Variants in ANGPT1 observed in about 807,000 individuals in gnomAD.
ANGPT1 encodes angiopoietin-1.
A neutral mutation model predicts 62.2 loss-of-function variants in ANGPT1; 17 were observed. The observed-to-expected ratio is 0.27, with a 90% confidence interval of 0.19 to 0.41. The LOEUF is 0.41. ANGPT1 is among the 10% of genes least tolerant of loss of function. The pLI, the probability that ANGPT1 is intolerant of heterozygous loss-of-function variation, is 1.00. For synonymous variants in ANGPT1, 199 were observed against 198.9 expected, an observed-to-expected ratio of 1.00 and a Z score of 0.00; for missense variants, 478 against 594.9, an observed-to-expected ratio of 0.80 and a Z score of 2.04.
In ANGPT1 at chr8:107,255,078, C is replaced by A. The variant is rs144943963; in HGVS notation, c.1337-3063G>T. 6.4e-3 allele frequency among the ~76,000 whole-genome samples: 970 copies of A among 152,050 alleles called. 11 individuals carry two copies. Among genetic ancestry groups the A allele is most frequent in the African/African-American group, 0.022 (918 of 41,480 alleles). On this transcript the variant is annotated intron_variant, in intron 8 of 8. Coordinates refer to ENST00000517746, the MANE Select transcript of ANGPT1 (RefSeq NM_001146.5). Reference sequence around the variant, plus strand: ...ACAGAAATTTTTGGAAACAAAATTTCTGACTTTAAAGCATGCACAGTTTTG... The same window carrying A: ...ACAGAAATTTTTGGAAACAAAATTTATGACTTTAAAGCATGCACAGTTTTG...
intron 7 of ANGPT1, among the ~76,000 whole-genome samples, chr8:107,279,539 C>T (rs1465845246): frequency 1.3e-5 from 2 of 152,138 alleles, no homozygotes; most frequent in East Asian, 3.9e-4. Context: ...GACTCCTACT[C>T]ATCGTTATCA....
intron 1 of ANGPT1, among the ~76,000 whole-genome samples, chr8:107,427,217 A>G (rs1305866905): frequency 6.6e-6 from 1 of 152,102 alleles, no homozygotes; most frequent in Non-Finnish European, 1.5e-5. Flanking sequence ...AGCTAAAGAC[A>G]TATTTGTGTG....
intron 5 of ANGPT1, 51 bp from the exon 6 acceptor site, chr8:107,294,088 C>A: frequency 6.9e-7 from 1 of 1,448,684 alleles, no homozygotes; most frequent in Non-Finnish European, 9.6e-7. Flanking sequence ...CTTTAAAAAA[C>A]ATATATCCTA....
In ANGPT1 at chr8:107,446,108, T is replaced by G. The variant is rs1627955; in HGVS notation, c.297+51154A>C. Among the ~76,000 whole-genome samples, 7 of 152,108 alleles carry G rather than the reference T, an allele frequency of 4.6e-5. No individual in the cohort carries two copies. In the East Asian group the frequency reaches 1.4e-3, roughly 30 times the overall value. Reference sequence around the variant, plus strand: ...AACTTTTCGTATTTTTAGTAGAGACTGGGTTTCACCATGTTAAGCAGGCTA... The same window carrying G: ...AACTTTTCGTATTTTTAGTAGAGACGGGGTTTCACCATGTTAAGCAGGCTA... On this transcript the variant is annotated intron_variant, in intron 1 of 8. Coordinates refer to ENST00000517746, the MANE Select transcript of ANGPT1 (RefSeq NM_001146.5).
chr8:107,319,478 C>T (rs34597339), intron 4 of ANGPT1, among the ~76,000 whole-genome samples: 19,136 of 151,534 alleles, frequency 0.13, 1,507 homozygotes, highest in East Asian at 0.34. Flanking sequence ...ATATTTGATG[C>T]GTTTATTCTG....
At chr8:107,433,475 G>T (rs1811249975) in intron 1 of ANGPT1, among the ~76,000 whole-genome samples, 1 of 152,146 alleles carries the variant, frequency 6.6e-6, no homozygotes, top group Non-Finnish European at 1.5e-5. Context: ...GAGACATTGA[G>T]TAAAGTATTA....
chr8:107,380,007 C>T (rs143439119), intron 1 of ANGPT1, among the ~76,000 whole-genome samples: 8 of 152,136 alleles, frequency 5.3e-5, no homozygotes, highest in South Asian at 4.2e-4. Flanking sequence ...TAAGAAAGCG[C>T]GCACACATGT....
intron 1 of ANGPT1, among the ~76,000 whole-genome samples, chr8:107,400,455 G>C (rs1447463706): frequency 6.6e-6 from 1 of 152,122 alleles, no homozygotes; most frequent in Non-Finnish European, 1.5e-5. Context: ...AAGCGTCACT[G>C]TCCATTGGAA....
intron 5 of ANGPT1, among the ~76,000 whole-genome samples, chr8:107,296,174 A>G (rs534622878): frequency 6.6e-6 from 1 of 152,148 alleles, no homozygotes; most frequent in South Asian, 2.1e-4. Context: ...AGGTGGAAAC[A>G]GATGTGTGTG....
At chr8:107,252,477 A>G (rs769479587) in intron 8 of ANGPT1, among the ~76,000 whole-genome samples, 1 of 152,210 alleles carries the variant, frequency 6.6e-6, no homozygotes, top group Non-Finnish European at 1.5e-5. Context: ...ATCTAAATAG[A>G]AAGATATTCT....
intron 1 of ANGPT1, among the ~76,000 whole-genome samples, chr8:107,495,571 G>A (rs569072608): frequency 3.3e-5 from 5 of 152,062 alleles, no homozygotes; most frequent in South Asian, 2.1e-4. Flanking sequence ...AAAACATTAC[G>A]TTTTTGGTAG....
intron 1 of ANGPT1, among the ~76,000 whole-genome samples, chr8:107,475,892 T>C (rs1812511458): frequency 6.6e-6 from 1 of 152,132 alleles, no homozygotes; most frequent in Admixed American, 6.6e-5. Context: ...TGAGATACCA[T>C]CTCACACCAG....
intron 1 of ANGPT1, among the ~76,000 whole-genome samples, chr8:107,376,882 T>G (rs2130260454): frequency 6.6e-6 from 1 of 152,292 alleles, no homozygotes; most frequent in Admixed American, 6.5e-5. Flanking sequence ...TTTCTATGAT[T>G]TTTGAACTTA....
chr8:107,312,225 G>A lies in ANGPT1; in HGVS notation c.809-8858C>T, dbSNP rs183519280. Reference sequence around the variant, plus strand: ...TGTTGGGCAGTTACGAATGCTGCACGGCCCTTGCCATTTGTTCAGGAGCTC... The same window carrying A: ...TGTTGGGCAGTTACGAATGCTGCACAGCCCTTGCCATTTGTTCAGGAGCTC... On this transcript the variant is annotated intron_variant, in intron 4 of 8. Transcript: ENST00000517746. Among the ~76,000 whole-genome samples, 17 of 152,244 alleles carry A rather than the reference G, an allele frequency of 1.1e-4. No individual in the cohort carries two copies. The East Asian group carries it at 2.9e-3, about 26-fold the overall frequency.
chr8:107,423,827 C>CTTT (rs869079818), intron 1 of ANGPT1, among the ~76,000 whole-genome samples: 57 of 74,476 alleles, frequency 7.7e-4, no homozygotes, highest in Non-Finnish European at 9.1e-4. Context: ...CTTTTCCTTT[C>CTTT]TTTTTTTTTT....
intron 1 of ANGPT1, among the ~76,000 whole-genome samples, chr8:107,354,677 T>A (rs936848427): frequency 6.6e-6 from 1 of 152,194 alleles, no homozygotes; most frequent in Non-Finnish European, 1.5e-5. Flanking sequence ...CATGTCTCCA[T>A]AGCAGGCACA....
intron 7 of ANGPT1, among the ~76,000 whole-genome samples, chr8:107,277,469 T>C (rs1402199001): frequency 6.6e-6 from 1 of 152,152 alleles, no homozygotes; most frequent in Non-Finnish European, 1.5e-5. Flanking sequence ...TGTACTAATG[T>C]TTGAGATAAT....
In ANGPT1 at chr8:107,481,395, G is replaced by A. The variant is rs190063817; in HGVS notation, c.297+15867C>T. Among the ~76,000 whole-genome samples the A allele has an allele frequency of 1.4e-4, 21 of 151,820 alleles. No homozygotes were observed. In the East Asian group the frequency reaches 1.8e-3, roughly 13 times the overall value. On this transcript the variant is annotated intron_variant, in intron 1 of 8. Transcript: ENST00000517746. ...TAAAAATACAAAAAATTAGCCAGGC[G>A]CGGTGGCGGGCTCCTGTAGTCCCAG... is the stretch of plus-strand genomic sequence containing the variant.
At chr8:107,359,329 A>G (rs1027851156) in intron 1 of ANGPT1, among the ~76,000 whole-genome samples, 3 of 152,144 alleles carry the variant, frequency 2.0e-5, no homozygotes, top group Non-Finnish European at 4.4e-5. Context: ...TTCTCTAAGG[A>G]TGTGAAGGAA....
Sources: gnomAD v4.1 joint callset for allele counts (sites outside exome capture counted in the v4.1 genomes callset) on GRCh38, gnomAD v4.1.1 for gene constraint, MANE v1.5 for transcripts, NCBI Gene and HGNC (gene_info 2026-07-23, HGNC 2026-07-21) for gene names.